FAM107B: variants seen among roughly 807,000 people sequenced by gnomAD.
FAM107B encodes the protein family with sequence similarity 107 member B, also known as protein FAM107B.
FAM107B carries 21 observed loss-of-function variants against 31.5 expected under a neutral mutation model. The ratio of observed to expected loss-of-function variants is 0.67; its 90% confidence interval spans 0.47 to 0.96. The LOEUF is 0.96. Among genes scored for constraint, FAM107B ranks in the 40% least tolerant of loss-of-function variants. The probability of loss-of-function intolerance (pLI) is 0.00; values close to 1 mark genes in which losing one functional copy is unlikely to be tolerated. For synonymous variants in FAM107B, 157 were observed against 141.5 expected, an observed-to-expected ratio of 1.11 and a Z score of -0.78; for missense variants, 452 against 377.1, an observed-to-expected ratio of 1.20 and a Z score of -1.64.
chr10:14,759,701 T>C (rs1833004251), intron 1 of FAM107B, among the ~76,000 whole-genome samples: 1 of 152,198 alleles, frequency 6.6e-6, no homozygotes, highest in African/African-American at 2.4e-5. Flanking sequence ...GTTTATGGTA[T>C]AGAGCCTTCT....
chr10:14,747,252 C>T (rs1832744599), intron 1 of FAM107B, among the ~76,000 whole-genome samples: 1 of 152,184 alleles, frequency 6.6e-6, no homozygotes, highest in Non-Finnish European at 1.5e-5. Context: ...TCCTTTAGCT[C>T]AGCAAAGTTC....
intron 2 of FAM107B, among the ~76,000 whole-genome samples, chr10:14,577,342 T>C (rs958638057): frequency 2.0e-5 from 3 of 152,248 alleles, no homozygotes; most frequent in African/African-American, 7.2e-5. Flanking sequence ...GAAAGAATCA[T>C]GTTCTAATAA....
At chr10:14,542,837 T>A (rs990035251) in intron 2 of FAM107B, among the ~76,000 whole-genome samples, 5 of 152,276 alleles carry the variant, frequency 3.3e-5, no homozygotes, top group Middle Eastern at 3.4e-3. Flanking sequence ...CAACAGTGAG[T>A]CTTTTGCCAA....
At chr10:14,697,189 A>G (rs953721538) in intron 1 of FAM107B, among the ~76,000 whole-genome samples, 1 of 152,186 alleles carries the variant, frequency 6.6e-6, no homozygotes, top group Non-Finnish European at 1.5e-5. Flanking sequence ...AGCCCCTTAA[A>G]GAGGAGCTGG....
chr10:14,655,122 G>A (rs1046964766), intron 2 of FAM107B, among the ~76,000 whole-genome samples: 18 of 152,152 alleles, frequency 1.2e-4, no homozygotes, highest in African/African-American at 4.1e-4. Flanking sequence ...GAGAGAGAAC[G>A]AGGTGCCAGA....
intron 1 of FAM107B, among the ~76,000 whole-genome samples, chr10:14,758,873 G>GAAAAAAAAA (rs57967855): frequency 1.3e-4 from 5 of 38,980 alleles, no homozygotes; most frequent in Non-Finnish European, 1.5e-4. Flanking sequence ...GACCCTCTCA[G>GAAAAAAAAA]AAAAAAAAAA....
intron 2 of FAM107B, among the ~76,000 whole-genome samples, chr10:14,655,153 A>T (rs996867998): frequency 1.3e-5 from 2 of 152,174 alleles, no homozygotes; most frequent in East Asian, 3.9e-4. Context: ...GTCAGATCTC[A>T]TGGGAAATAA....
At chr10:14,535,031 G>C (rs1000122055) in intron 2 of FAM107B, among the ~76,000 whole-genome samples, 1 of 152,210 alleles carries the variant, frequency 6.6e-6, no homozygotes, top group South Asian at 2.1e-4. Context: ...CCAGGAGCCT[G>C]AGAGTAAAGA....
chr10:14,578,528 G>T, intron 2 of FAM107B, among the ~76,000 whole-genome samples: 1 of 152,142 alleles, frequency 6.6e-6, no homozygotes, highest in East Asian at 1.9e-4. Flanking sequence ...CATCAGACTT[G>T]CCGAGAGAGG....
rs190654919 is a variant in FAM107B, at chr10:14,710,226, T to G, written c.412-42535A>C. On this transcript the variant is annotated intron_variant, in intron 1 of 4. Transcript: ENST00000181796. ...GATTTTCTTGTAAACCTAAAACTAC[T>G]AAAAAATAATAAAGTCTATTCATTA... 5.6e-4 allele frequency among the ~76,000 whole-genome samples: 85 copies of G among 151,974 alleles called. 1 individual carries two copies. Among genetic ancestry groups the G allele is most frequent in the Admixed American group, 5.6e-3 (85 of 15,238 alleles).
chr10:14,527,435 A>G (rs906373373), intron 3 of FAM107B, among the ~76,000 whole-genome samples: 11 of 152,268 alleles, frequency 7.2e-5, no homozygotes, highest in African/African-American at 2.7e-4. Context: ...CCTGTAACAC[A>G]TAATCTCTGA....
chr10:14,529,541 G>A (rs376351611), intron 3 of FAM107B: 1 of 152,080 alleles, frequency 6.6e-6, no homozygotes, highest in Admixed American at 6.6e-5. Context: ...TTTCAGTTCA[G>A]TGGGAGACCT....
At chr10:14,610,320 GT>G (rs1286135144) in intron 2 of FAM107B, among the ~76,000 whole-genome samples, 7 of 151,856 alleles carry the variant, frequency 4.6e-5, no homozygotes, top group Non-Finnish European at 8.8e-5. Context: ...TCCAGCCTGG[GT>G]GACAGAGCAA....
intron 2 of FAM107B, among the ~76,000 whole-genome samples, chr10:14,558,480 T>C (rs1849909498): frequency 6.6e-6 from 1 of 152,246 alleles, no homozygotes; most frequent in African/African-American, 2.4e-5. Flanking sequence ...AAGCACCGTT[T>C]GAATTATTAT....
At chr10:14,690,057 C>G (rs567138742) in intron 1 of FAM107B, among the ~76,000 whole-genome samples, 1 of 146,786 alleles carries the variant, frequency 6.8e-6, no homozygotes, top group Non-Finnish European at 1.5e-5. Context: ...GAGGGAGACA[C>G]CTGTCATCTC....
intron 1 of FAM107B, among the ~76,000 whole-genome samples, chr10:14,765,195 A>G (rs891126711): frequency 6.6e-6 from 1 of 152,252 alleles, no homozygotes; most frequent in African/African-American, 2.4e-5. Context: ...CTCACTTGAA[A>G]ATAAACGGTG....
intron 2 of FAM107B, among the ~76,000 whole-genome samples, chr10:14,600,086 A>G (rs1019984589): frequency 4.0e-5 from 6 of 151,804 alleles, no homozygotes; most frequent in African/African-American, 1.5e-4. Context: ...GTTCTTAAAT[A>G]AGTCTTCTCA....
At chr10:14,606,622 C>G (rs1852596546) in intron 2 of FAM107B, among the ~76,000 whole-genome samples, 1 of 152,064 alleles carries the variant, frequency 6.6e-6, no homozygotes, top group Non-Finnish European at 1.5e-5. Flanking sequence ...AGGGTGGGAC[C>G]CTAAGCTCAT....
chr10:14,675,457 T>C (rs1199905610), intron 1 of FAM107B, among the ~76,000 whole-genome samples: 2 of 152,152 alleles, frequency 1.3e-5, no homozygotes, highest in African/African-American at 4.8e-5. Context: ...TTCTGCTCCA[T>C]TATATTCCTG....
Sources: gnomAD v4.1 joint callset for allele counts (sites outside exome capture counted in the v4.1 genomes callset) on GRCh38, gnomAD v4.1.1 for gene constraint, MANE v1.5 for transcripts, NCBI Gene and HGNC (gene_info 2026-07-23, HGNC 2026-07-21) for gene names.